The following SPTBN5 variants were observed in gnomAD, a reference collection of about 807,000 sequenced individuals.
SPTBN5 encodes spectrin beta chain, non-erythrocytic 5.
In SPTBN5, 513 loss-of-function variants were observed where a neutral mutation model predicts 477.6. The observed-to-expected ratio is 1.07, with a 90% CI of 1.00 to 1.16. The LOEUF (loss-of-function observed/expected upper bound fraction) is 1.16. Ranked by LOEUF, SPTBN5 falls within the 50% of genes most tolerant of loss-of-function variation. The pLI is 0.00. For synonymous variants in SPTBN5, 2,169 were observed against 2,011.7 expected, an observed-to-expected ratio of 1.08 and a Z score of -2.09; for missense variants, 5,062 against 4,731.8, an observed-to-expected ratio of 1.07 and a Z score of -2.05.
intron 49 of SPTBN5, 146 bp downstream of exon 49, chr15:41,858,456 A>ACACTTCTGCCTC: frequency 9.3e-7 from 1 of 1,078,460 alleles, no homozygotes; most frequent in Non-Finnish European, 1.3e-6. Context: ...ACTTCTGCCT[A>ACACTTCTGCCTC]AACAACCGCT....
chr15:41,867,780 G>A (rs2066379677), intron 34 of SPTBN5, 138 bp from the exon 35 acceptor site: 1 of 894,412 alleles, frequency 1.1e-6, no homozygotes, highest in South Asian at 1.5e-5. Context: ...GCTGTGAGGA[G>A]TGGGAGTCCA....
In SPTBN5 at chr15:41,854,900, T is replaced by C. The variant is rs773801026; in HGVS notation, c.9500A>G (p.Lys3167Arg). The change falls in exon 56 of 68, where the codon AAG becomes AGG. Residue 3167 changes from lysine (K) to arginine (R), a missense_variant. By Grantham distance (26) the Lys-to-Arg change is conservative. Transcript: ENST00000320955. Reference sequence around the variant, plus strand: ...ACCCCGCTCCAGGGTGCCTGCCAACTTCCTCAGGGCATACACCTTGGCCTG... The same window carrying C: ...ACCCCGCTCCAGGGTGCCTGCCAACCTCCTCAGGGCATACACCTTGGCCTG... ...LGQAKVYALR[K>R]LAGTLERGAP... 9 of 1,608,910 alleles carry C rather than the reference T, an allele frequency of 5.6e-6. No homozygotes were observed. The highest frequency in any genetic ancestry group is 2.7e-5 in the African/African-American group (2 of 74,726).
At position 41,857,561 on chromosome 15, in the gene SPTBN5, G is replaced by A; in HGVS notation, c.8364+12C>T. 1.2e-6 allele frequency: 2 copies of A among 1,607,042 alleles called. No individual in the cohort carries two copies. Among genetic ancestry groups the A allele is most frequent in the Non-Finnish European group, 1.7e-6 (2 of 1,175,996 alleles). ...AGCCCGGCCAGCCACCCCTCGGCCT[G>A]CACAACCTCACCTCACAGGCCTTCT... is the stretch of plus-strand genomic sequence containing the variant. On this transcript the variant is annotated intron_variant, in intron 50 of 67. Transcript: ENST00000320955.
In SPTBN5 at chr15:41,870,336, G is replaced by A; in HGVS notation, c.5580C>T (p.Leu1860=). The change falls in exon 31 of 68, where the codon CTC becomes CTT. Residue 1860 remains leucine, a synonymous_variant. Transcript: ENST00000320955. Reference sequence around the variant, plus strand: ...ACAGGTCCCGTGCCACATTGTTGGGGAGGCTCGTGGCTTTCTCCTGAGGAA... The same window carrying A: ...ACAGGTCCCGTGCCACATTGTTGGGAAGGCTCGTGGCTTTCTCCTGAGGAA... ...LTQVQEKATS[L]PNNVARDLCG... 2 of 1,570,824 alleles carry A rather than the reference G, an allele frequency of 1.3e-6. No individual in the cohort carries two copies. Among genetic ancestry groups the A allele is most frequent in the Non-Finnish European group, 1.7e-6 (2 of 1,158,326 alleles).
At chr15:41,888,207 G>A (rs11638188) in intron 4 of SPTBN5, 122 bp from the exon 5 acceptor site, 242,471 of 967,306 alleles carry the variant, frequency 0.25, 31,373 homozygotes, top group Middle Eastern at 0.43. Context: ...CCCGGGGCCA[G>A]TGTGACTCTC....
Position 41,863,772 on chromosome 15 carries a change from C to T in SPTBN5, c.7081G>A (p.Glu2361Lys), listed in dbSNP as rs201067348. ...GNLLRYQQQL[E>K]GALEIHVLSR... Reference sequence around the variant, plus strand: ...AACACGTGTATCTCCAAGGCCCCTTCGAGCTGCTGCTGGTACCGGAGCAAG... The same window carrying T: ...AACACGTGTATCTCCAAGGCCCCTTTGAGCTGCTGCTGGTACCGGAGCAAG... Residue 2361 changes from glutamate (E) to lysine (K), a missense_variant, in exon 41 of 68, where the codon GAA becomes AAA. Glu to Lys is a moderately conservative substitution (Grantham distance 56). Coordinates refer to ENST00000320955, the MANE Select transcript of SPTBN5 (RefSeq NM_016642.4). 363 of 1,613,828 alleles carry T rather than the reference C, an allele frequency of 2.2e-4. 2 individuals are homozygous for T. The East Asian group carries it at 7.1e-3, about 32-fold the overall frequency.
chr15:41,893,330 C>T lies in SPTBN5; in HGVS notation c.168G>A (p.Gln56=), dbSNP rs2067372935. The T allele has an allele frequency of 1.2e-6, 2 of 1,614,034 alleles. No individual in the cohort carries two copies. Among genetic ancestry groups the T allele is most frequent in the Non-Finnish European group, 1.7e-6 (2 of 1,179,902 alleles). The change falls in exon 2 of 68, where the codon CAG becomes CAA. Residue 56 remains glutamine, a synonymous_variant. Transcript: ENST00000320955. The part of the protein sequence containing the change: ...RKLQARHMQM[Q]EKTFTKWINN... Reference sequence around the variant, plus strand: ...TGATCCACTTGGTGAAAGTCTTCTCCTGCATCTGCATGTGCCGGGCCTGTA... The same window carrying T: ...TGATCCACTTGGTGAAAGTCTTCTCTTGCATCTGCATGTGCCGGGCCTGTA...
Position 41,876,131 on chromosome 15 carries a change from C to G in SPTBN5, c.4105G>C (p.Val1369Leu), listed in dbSNP as rs550716512. 95 of 1,602,032 alleles carry G rather than the reference C, an allele frequency of 5.9e-5. 2 individuals are homozygous for G. The South Asian group carries it at 9.9e-4, about 17-fold the overall frequency. ...TCCCCCACCTGCTGCAGGGCCTCCACGTGTCTGCGGGTGGCGAGTAGCTCG... is the reference window on the plus strand; with the variant it reads ...TCCCCCACCTGCTGCAGGGCCTCCAGGTGTCTGCGGGTGGCGAGTAGCTCG... ...ESELLATRRH[V>L]EALQQVGREL... Residue 1369 changes from valine (V) to leucine (L), a missense_variant, in exon 21 of 68, where the codon GTG becomes CTG. Physicochemically the swap from Val to Leu is conservative, Grantham distance 32 (BLOSUM62 1). Transcript: ENST00000320955.
intron 49 of SPTBN5, 96 bp from the exon 50 acceptor site, chr15:41,857,806 T>C: frequency 7.1e-7 from 1 of 1,416,194 alleles, no homozygotes; most frequent in Non-Finnish European, 9.4e-7. Flanking sequence ...AGCTGCAGAG[T>C]CCCTGCGGTC....
chr15:41,877,373 G>A lies in SPTBN5; in HGVS notation c.3471-17C>T, dbSNP rs1175500047. On this transcript the variant is annotated splice_polypyrimidine_tract_variant and intron_variant, in intron 17 of 67. Transcript: ENST00000320955. ...TGCTGCAGCCTGACCAGGATGACAG[G>A]CAGAGAGTCAAACCCCAGCAGGCTC... 2 of 1,600,058 alleles carry A rather than the reference G, an allele frequency of 1.2e-6. No homozygotes were observed. The highest frequency in any genetic ancestry group is 1.7e-6 in the Non-Finnish European group (2 of 1,171,792).
intron 56 of SPTBN5, among the ~76,000 whole-genome samples, 152 bp from the exon 57 acceptor site, chr15:41,854,357 G>T (rs1237587328): frequency 2.1e-5 from 3 of 142,528 alleles, no homozygotes; most frequent in African/African-American, 7.6e-5. Context: ...CCTCCATGCT[G>T]CAGCCCTCAG....
At chr15:41,883,312 CTG>C (rs754403453) in intron 8 of SPTBN5, 34 bp downstream of exon 8, 1 of 1,609,850 alleles carries the variant, frequency 6.2e-7, no homozygotes, top group Non-Finnish European at 8.5e-7. Flanking sequence ...CCCCACCTTG[CTG>C]TGTTTCCCAA....
chr15:41,880,091 G>A lies in SPTBN5; in HGVS notation c.2811+69C>T, dbSNP rs149848931. 4.1e-4 allele frequency: 622 copies of A among 1,505,764 alleles called. 6 individuals carry two copies. In the East Asian group the frequency reaches 0.014, roughly 34 times the overall value. The allele number at this position is 1,505,764 out of a possible 1,614,324, so 93.3% of individuals were successfully genotyped here. On this transcript the variant is annotated intron_variant, in intron 14 of 67. Transcript: ENST00000320955. ...GACGGTAGTTAAATTGGAAAACTGA[G>A]TCACAGCAGCAGACCACAGGGAGGC... is the stretch of plus-strand genomic sequence containing the variant.
rs1379118022 is a variant in SPTBN5 at position 41,855,384 on chromosome 15, G to A, written c.9263C>T (p.Ala3088Val). 2 of 1,604,614 alleles carry A rather than the reference G, an allele frequency of 1.2e-6. No individual in the cohort carries two copies. Among genetic ancestry groups the A allele is most frequent in the African/African-American group, 1.3e-5 (1 of 74,948 alleles). The change falls in exon 55 of 68, where the codon GCA (alanine) becomes GTA (valine). Residue 3088 changes from alanine to valine, a missense_variant. Coordinates refer to ENST00000320955, the MANE Select transcript of SPTBN5 (RefSeq NM_016642.4). ...GGCCTCCGCCCTCCGCAGCAGCTCT[G>A]CGTGGGCCTCCCGAACTGCCTGCAG... ...AQLQAVREAH[A>V]ELLRRAEARG...
At chr15:41,861,591 GT>G in intron 45 of SPTBN5, 95 bp from the exon 46 acceptor site, 1 of 1,531,014 alleles carries the variant, frequency 6.5e-7, no homozygotes, top group Non-Finnish European at 9.0e-7. Context: ...GGGAACCAGG[GT>G]CCTGGAAGGC....
At chr15:41,892,653 T>C (rs2067347295) in intron 3 of SPTBN5, 1 of 468,504 alleles carries the variant, frequency 2.1e-6, no homozygotes, top group African/African-American at 2.0e-5. Flanking sequence ...AGTGACATTT[T>C]CCACCCCAGT....
rs866256421 is a variant in SPTBN5 at position 41,854,050 on chromosome 15, C to T, written c.9774G>A (p.Glu3258=). ...GCAGGCTGCAGGGCGTGGGCCTCAC[C>T]TCCAGGCGCCTGTGCTGTTGCTGCA... ...RTLQQQHRRL[E]RELEAMEKEV... The change falls in exon 57 of 68, where the codon GAG becomes GAA. Residue 3258 remains glutamate (E), a splice_region_variant and synonymous_variant. Coordinates refer to ENST00000320955, the MANE Select transcript of SPTBN5 (RefSeq NM_016642.4). 6.4e-7 allele frequency: 1 copy of T among 1,561,082 alleles called. No homozygotes were observed. The highest frequency in any genetic ancestry group is 2.4e-5 in the East Asian group (1 of 42,366).
intron 16 of SPTBN5, 53 bp downstream of exon 16, chr15:41,879,207 C>A: frequency 6.4e-7 from 1 of 1,565,134 alleles, no homozygotes; most frequent in Non-Finnish European, 8.7e-7. Flanking sequence ...GCCCTGCCCA[C>A]GCCTTCCCAT....
chr15:41,852,762 C>T lies in SPTBN5; in HGVS notation c.10348-27G>A, dbSNP rs372030049. On this transcript the variant is annotated intron_variant, in intron 60 of 67. Coordinates refer to ENST00000320955, the MANE Select transcript of SPTBN5 (RefSeq NM_016642.4). ...TGGGGAGAAGCATGTTCAGGTGACGCCCAGCTTGGGGGGGGGGGCCCAGAG... is the reference window on the plus strand; with the variant it reads ...TGGGGAGAAGCATGTTCAGGTGACGTCCAGCTTGGGGGGGGGGGCCCAGAG... 5.0e-5 allele frequency: 79 copies of T among 1,581,778 alleles called. 1 individual carries two copies. Among genetic ancestry groups the T allele is most frequent in the Non-Finnish European group, 6.6e-5 (77 of 1,160,064 alleles).
Sources: gnomAD v4.1 joint callset for allele counts (sites outside exome capture counted in the v4.1 genomes callset) on GRCh38, gnomAD v4.1.1 for gene constraint, MANE v1.5 for transcripts, NCBI Gene and HGNC (gene_info 2026-07-23, HGNC 2026-07-21) for gene names.